KIAA0513: variants seen among roughly 807,000 people sequenced by gnomAD.
The protein encoded by KIAA0513 is uncharacterized protein KIAA0513.
A neutral mutation model predicts 56.5 loss-of-function variants in KIAA0513; 39 were observed. The observed-to-expected ratio is 0.69, with a 90% CI of 0.53 to 0.90. The LOEUF is 0.90. KIAA0513 is among the 40% of genes least tolerant of loss of function. The pLI is 0.00. For synonymous variants in KIAA0513, 268 were observed against 215.6 expected (o/e 1.24, Z -2.13); for missense variants, 591 against 535.2 (o/e 1.10, Z -1.03).
At chr16:85,037,720 T>C (rs1483404298) in intron 1 of KIAA0513, among the ~76,000 whole-genome samples, 1 of 152,162 alleles carries the variant, frequency 6.6e-6, no homozygotes, top group Non-Finnish European at 1.5e-5. Flanking sequence ...TAAAAAACAC[T>C]TTATGAGTCT....
chr16:85,079,066 G>A, intron 8 of KIAA0513, 63 bp downstream of exon 8: 1 of 1,612,914 alleles, frequency 6.2e-7, no homozygotes. Context: ...TCACTCCCCG[G>A]GATCACTTCT....
At chr16:85,054,721 C>A (rs553528233) in intron 1 of KIAA0513, among the ~76,000 whole-genome samples, 1 of 152,104 alleles carries the variant, frequency 6.6e-6, no homozygotes, top group South Asian at 2.1e-4. Context: ...TGAGCCACCA[C>A]GCCCAGCCAA....
intron 3 of KIAA0513, among the ~76,000 whole-genome samples, chr16:85,072,651 T>C (rs1276316936): frequency 6.6e-6 from 1 of 152,170 alleles, no homozygotes; most frequent in East Asian, 1.9e-4. Flanking sequence ...TTTCTGTGTG[T>C]GGGTGTGTAT....
Position 85,090,460 on chromosome 16 carries a change from A to T in KIAA0513, c.*2135A>T, listed in dbSNP as rs1433789825. The T allele has an allele frequency of 6.6e-6, 1 of 152,208 alleles. No individual in the cohort carries two copies. The highest frequency in any genetic ancestry group is 1.5e-5 in the Non-Finnish European group (1 of 68,040). The allele number at this position is 152,208 out of a possible 1,614,324, so 9.4% of individuals were successfully genotyped here. On this transcript the variant is annotated 3_prime_UTR_variant, in exon 13 of 13. Coordinates refer to ENST00000683363, the MANE Select transcript of KIAA0513 (RefSeq NM_001388359.1). Reference sequence around the variant, plus strand: ...TCTGAGACTCTCTTGGGAACGCTGGAGAGCTTGTGCACAGCCTCTGGAAGG... The same window carrying T: ...TCTGAGACTCTCTTGGGAACGCTGGTGAGCTTGTGCACAGCCTCTGGAAGG...
At chr16:85,070,490 C>G (rs1392112745) in intron 2 of KIAA0513, among the ~76,000 whole-genome samples, 4 of 152,146 alleles carry the variant, frequency 2.6e-5, no homozygotes, top group Admixed American at 2.0e-4. Flanking sequence ...CCAGCCTGGC[C>G]AACATGATGA....
chr16:85,083,046 C>G (rs2073765919), intron 10 of KIAA0513, among the ~76,000 whole-genome samples: 1 of 152,226 alleles, frequency 6.6e-6, no homozygotes, highest in South Asian at 2.1e-4. Flanking sequence ...TGGGAAGCCA[C>G]GGGTGGGGTG....
chr16:85,046,334 T>C (rs774470381), intron 1 of KIAA0513, among the ~76,000 whole-genome samples: 3 of 152,200 alleles, frequency 2.0e-5, no homozygotes, highest in Non-Finnish European at 4.4e-5. Context: ...CCATGACACC[T>C]TTCTCCTTAC....
intron 1 of KIAA0513, among the ~76,000 whole-genome samples, chr16:85,048,485 ATCTC>A (rs559515685): frequency 4.1e-4 from 61 of 150,244 alleles, no homozygotes; most frequent in African/African-American, 1.4e-3. Flanking sequence ...CTCAAAGCAG[ATCTC>A]TCTCTCTCTC....
chr16:85,055,613 C>T (rs1338890660), intron 1 of KIAA0513, among the ~76,000 whole-genome samples: 3 of 152,204 alleles, frequency 2.0e-5, no homozygotes, highest in African/African-American at 7.2e-5. Context: ...CACCACTTCC[C>T]CTTCTTGGTG....
intron 1 of KIAA0513, among the ~76,000 whole-genome samples, chr16:85,039,670 G>A (rs1390707655): frequency 4.6e-5 from 7 of 151,880 alleles, no homozygotes; most frequent in African/African-American, 1.5e-4. Context: ...ATGGGGTTTC[G>A]CCATGTTGGC....
rs149986502 is a variant in KIAA0513, at chr16:85,047,029, G to A, written c.-173+19171G>A. ...TGGTCCTGAACATTCTGAATATTAC[G>A]TTAGGAAGCTGTGGTTCCTGATTCA... On this transcript the variant is annotated intron_variant, in intron 1 of 12. Transcript: ENST00000683363. Among the ~76,000 whole-genome samples, 185 of 152,276 alleles carry A rather than the reference G, an allele frequency of 1.2e-3. 1 individual carries two copies. Among genetic ancestry groups the A allele is most frequent in the African/African-American group, 3.9e-3 (162 of 41,556 alleles).
intron 1 of KIAA0513, among the ~76,000 whole-genome samples, chr16:85,032,871 C>A (rs766030225): frequency 3.9e-5 from 6 of 152,096 alleles, no homozygotes; most frequent in African/African-American, 9.7e-5. Flanking sequence ...ACCTCATGAT[C>A]CGCCTACCTG....
chr16:85,083,960 G>A (rs1435946911), intron 10 of KIAA0513, among the ~76,000 whole-genome samples: 5 of 152,048 alleles, frequency 3.3e-5, no homozygotes, highest in Non-Finnish European at 7.4e-5. Context: ...GCAGGCTGTT[G>A]GTCCCGTCCA....
chr16:85,087,311 T>G, intron 12 of KIAA0513, 145 bp downstream of exon 12: 1 of 670,702 alleles, frequency 1.5e-6, no homozygotes, highest in South Asian at 1.7e-5. Context: ...AGACGGCCCC[T>G]CCTTTCTCCC....
intron 1 of KIAA0513, among the ~76,000 whole-genome samples, chr16:85,050,761 CAGT>C (rs1403884923): frequency 6.6e-6 from 1 of 152,184 alleles, no homozygotes; most frequent in African/African-American, 2.4e-5. Flanking sequence ...AAGGCAGAAA[CAGT>C]AGATTGTGTG....
intron 1 of KIAA0513, among the ~76,000 whole-genome samples, chr16:85,065,296 C>G (rs538729690): frequency 7.9e-5 from 12 of 152,222 alleles, no homozygotes; most frequent in Non-Finnish European, 8.8e-5. Flanking sequence ...GCCGGGGACG[C>G]AGCTGGCGAG....
Position 85,088,640 on chromosome 16 carries a change from C to G in KIAA0513, c.*315C>G. 3.2e-6 allele frequency: 1 copy of G among 309,704 alleles called. No individual in the cohort carries two copies. Among genetic ancestry groups the G allele is most frequent in the Non-Finnish European group, 6.0e-6 (1 of 165,556 alleles). 19.2% of individuals were successfully genotyped at this position (309,704 alleles called of 1,614,324 possible). On this transcript the variant is annotated 3_prime_UTR_variant, in exon 13 of 13. Coordinates refer to ENST00000683363, the MANE Select transcript of KIAA0513 (RefSeq NM_001388359.1). ...GGAGGGGAAGGACTCCATGGGCCAT[C>G]GTGGGCCAAGGGCTGGCGAGGGTGG...
intron 1 of KIAA0513, among the ~76,000 whole-genome samples, chr16:85,038,083 C>T (rs956938785): frequency 6.6e-6 from 1 of 152,224 alleles, no homozygotes; most frequent in African/African-American, 2.4e-5. Flanking sequence ...CTGCAAGTCC[C>T]TGCTTCCATG....
chr16:85,074,414 C>G (rs2073627129), intron 4 of KIAA0513, among the ~76,000 whole-genome samples: 1 of 152,020 alleles, frequency 6.6e-6, no homozygotes, highest in Non-Finnish European at 1.5e-5. Flanking sequence ...AACTCCCGGG[C>G]TCAAGGGATC....
Sources: gnomAD v4.1 joint callset for allele counts (sites outside exome capture counted in the v4.1 genomes callset) on GRCh38, gnomAD v4.1.1 for gene constraint, MANE v1.5 for transcripts, NCBI Gene and HGNC (gene_info 2026-07-23, HGNC 2026-07-21) for gene names.